The following FAM117A variants were observed in gnomAD, a reference collection of about 807,000 sequenced individuals.
FAM117A encodes family with sequence similarity 117 member A, also known as protein FAM117A.
In FAM117A, 21 loss-of-function variants were observed where a neutral mutation model predicts 44.1. That is an observed-to-expected ratio of 0.48 (90% CI 0.34 to 0.69). The LOEUF is 0.69. FAM117A is among the 30% of genes least tolerant of loss of function. The pLI is 0.01. For missense variants in FAM117A, 498 were observed against 589.9 expected, an observed-to-expected ratio of 0.84 and a Z score of 1.61; for synonymous variants, 220 against 238.3, an observed-to-expected ratio of 0.92 and a Z score of 0.71.
chr17:49,734,613 A>T (rs192372800), intron 1 of FAM117A, among the ~76,000 whole-genome samples: 33 of 152,118 alleles, frequency 2.2e-4, no homozygotes, highest in East Asian at 1.9e-3. Flanking sequence ...AAATAAAAAT[A>T]AAAATTAAAA....
At chr17:49,740,499 T>TC (rs2073629931) in intron 1 of FAM117A, among the ~76,000 whole-genome samples, 2 of 152,214 alleles carry the variant, frequency 1.3e-5, no homozygotes, top group Non-Finnish European at 2.9e-5. Context: ...TCCGCCCACC[T>TC]TGTCCTCCCA....
upstream of FAM117A, chr17:49,788,898 G>C: frequency 1.3e-6 from 2 of 1,518,332 alleles, no homozygotes; most frequent in South Asian, 2.5e-5. Flanking sequence ...ACAGTCGATT[G>C]AGCACCGTGA....
At chr17:49,765,398 G>A (rs1433751330), upstream of FAM117A, among the ~76,000 whole-genome samples, 5 of 152,164 alleles carry the variant, frequency 3.3e-5, no homozygotes, top group East Asian at 9.6e-4. Flanking sequence ...GATATTCCCT[G>A]AAGCCATACT....
chr17:49,769,420 C>T (rs1211428927), intron 1 of FAM117A, among the ~76,000 whole-genome samples: 2 of 151,780 alleles, frequency 1.3e-5, no homozygotes, highest in Non-Finnish European at 2.9e-5. Context: ...TAGAATAGGC[C>T]GGGCGCGGTG....
upstream of FAM117A, among the ~76,000 whole-genome samples, chr17:49,765,318 T>A (rs966524858): frequency 1.3e-5 from 2 of 152,230 alleles, no homozygotes; most frequent in African/African-American, 4.8e-5. Context: ...TAGCTGTGAA[T>A]TCTATTTTTG....
chr17:49,769,464 C>T (rs182833524), intron 1 of FAM117A, among the ~76,000 whole-genome samples: 5 of 151,886 alleles, frequency 3.3e-5, no homozygotes, highest in Admixed American at 2.6e-4. Context: ...TTTGGGAGGC[C>T]GAAGCAGGTG....
In FAM117A at chr17:49,732,629, G is replaced by A. The variant is rs771671869; in HGVS notation, c.288C>T (p.Leu96=). Residue 96 remains leucine, a synonymous_variant, in exon 2 of 8, where the codon CTC becomes CTT. Coordinates refer to ENST00000240364, the MANE Select transcript of FAM117A (RefSeq NM_030802.4). ...GCCACTGGCCCAGAAGGTAGGAGCT[G>A]AGGATGGTGTCCAGGGAGAATGTAC... is the stretch of plus-strand genomic sequence containing the variant. ...VRRTFSLDTI[L]SSYLLGQWPR... 3.1e-6 allele frequency: 5 copies of A among 1,614,080 alleles called. No homozygotes were observed. The highest frequency in any genetic ancestry group is 4.2e-6 in the Non-Finnish European group (5 of 1,180,052).
chr17:49,719,662 A>G, intron 5 of FAM117A, 98 bp downstream of exon 5: 1 of 1,393,424 alleles, frequency 7.2e-7, no homozygotes, highest in Non-Finnish European at 9.5e-7. Flanking sequence ...GCGTAGCCAT[A>G]GCCTGTGAGG....
chr17:49,732,793 C>G (rs939476861), intron 1 of FAM117A, 73 bp from the exon 2 acceptor site: 5 of 1,502,280 alleles, frequency 3.3e-6, no homozygotes, highest in Non-Finnish European at 3.6e-6. Context: ...CCTTCCTCTT[C>G]TAAGAGATGT....
chr17:49,773,063 T>C (rs547184656), intron 1 of FAM117A, among the ~76,000 whole-genome samples: 2 of 152,032 alleles, frequency 1.3e-5, no homozygotes, highest in Non-Finnish European at 2.9e-5. Flanking sequence ...CCCAGCACTT[T>C]GGGAGGCTGA....
intron 1 of FAM117A, among the ~76,000 whole-genome samples, chr17:49,735,542 C>T (rs1344536992): frequency 6.6e-6 from 1 of 152,192 alleles, no homozygotes; most frequent in African/African-American, 2.4e-5. Context: ...CATGTATTAA[C>T]AATCTACATA....
intron 1 of FAM117A, among the ~76,000 whole-genome samples, chr17:49,762,568 C>T (rs1277394646): frequency 1.3e-5 from 2 of 152,172 alleles, no homozygotes; most frequent in African/African-American, 2.4e-5. Context: ...AGGAGTAGCC[C>T]TGTAGTAGCT....
At chr17:49,773,431 C>A (rs1005903504) in intron 1 of FAM117A, 1 of 147,688 alleles carries the variant, frequency 6.8e-6, no homozygotes, top group Admixed American at 6.8e-5. Context: ...CACACCACTG[C>A]ACTCCAGCCT....
At chr17:49,776,041 C>T (rs1211207864) in intron 1 of FAM117A, among the ~76,000 whole-genome samples, 16 of 152,074 alleles carry the variant, frequency 1.1e-4, no homozygotes, top group South Asian at 2.1e-4. Context: ...TCCCTTCATA[C>T]GCCTGTGGAG....
Position 49,717,592 on chromosome 17 carries a change from A to G in FAM117A, c.831T>C (p.Ser277=). ...GACTGGCCAGGCCACAAGGCTGGGG[A>G]GATGCCAAGGACATGGAAGGAGAGC... The part of the protein sequence containing the change: ...LASSPSMSLA[S]PQPCGLASHE... Residue 277 remains serine (S), a synonymous_variant, in exon 6 of 8, where the codon TCT becomes TCC. Transcript: ENST00000240364. 6.2e-7 allele frequency: 1 copy of G among 1,614,108 alleles called. No homozygotes were observed. The highest frequency in any genetic ancestry group is 8.5e-7 in the Non-Finnish European group (1 of 1,179,996).
chr17:49,751,931 G>A (rs2073679135), intron 1 of FAM117A, among the ~76,000 whole-genome samples: 1 of 122,530 alleles, frequency 8.2e-6, no homozygotes. Context: ...GCAACAGAGT[G>A]AGACTCCATC....
chr17:49,727,960 A>AATC (rs1386360290), intron 2 of FAM117A, among the ~76,000 whole-genome samples: 1 of 152,212 alleles, frequency 6.6e-6, no homozygotes, highest in East Asian at 1.9e-4. Context: ...TTCTGCAGGG[A>AATC]ATCAGTCCCT....
intron 2 of FAM117A, among the ~76,000 whole-genome samples, chr17:49,728,533 T>G (rs941272908): frequency 7.9e-5 from 12 of 151,840 alleles, no homozygotes; most frequent in African/African-American, 2.9e-4. Context: ...AATGGGGGGC[T>G]GGGCTAGGCA....
rs547451164 is a variant in FAM117A, at chr17:49,740,134, C to G, written c.197-7414G>C. 1.6e-4 allele frequency among the ~76,000 whole-genome samples: 25 copies of G among 152,300 alleles called. 1 individual carries two copies. In the South Asian group the frequency reaches 4.8e-3, roughly 29 times the overall value. ...GAGAGGGCCAGCGGTCAAGTATCTG[C>G]CTGTTGGGGGAAAGTCAACATGGCA... On this transcript the variant is annotated intron_variant, in intron 1 of 7. Coordinates refer to ENST00000240364, the MANE Select transcript of FAM117A (RefSeq NM_030802.4).
Sources: gnomAD v4.1 joint callset for allele counts (sites outside exome capture counted in the v4.1 genomes callset) on GRCh38, gnomAD v4.1.1 for gene constraint, MANE v1.5 for transcripts, NCBI Gene and HGNC (gene_info 2026-07-23, HGNC 2026-07-21) for gene names.